DENND4A: variants seen among roughly 807,000 people sequenced by gnomAD.
DENND4A encodes DENN domain containing 4A.
A neutral mutation model predicts 199.3 loss-of-function variants in DENND4A; 70 were observed. The ratio of observed to expected loss-of-function variants is 0.35; its 90% CI spans 0.29 to 0.43. The LOEUF (loss-of-function observed/expected upper bound fraction) is 0.43, where lower values mean the gene tolerates loss of function less well. Ranked by LOEUF, DENND4A falls within the 20% of genes least tolerant of loss-of-function variation. The pLI, the probability that DENND4A is intolerant of heterozygous loss-of-function variation, is 1.00. For synonymous variants in DENND4A, 686 were observed against 766.9 expected, an observed-to-expected ratio of 0.89 and a Z score of 1.74; for missense variants, 1,723 against 2,255.8, an observed-to-expected ratio of 0.76 and a Z score of 4.78.
chr15:65,729,533 C>T lies in DENND4A; in HGVS notation c.1311+1G>A. On this transcript the variant is annotated splice_donor_variant, in intron 10 of 32. Coordinates refer to ENST00000443035, the MANE Select transcript of DENND4A (RefSeq NM_001320835.1). LOFTEE classifies it high-confidence loss of function. Reference sequence around the variant, plus strand: ...TGCCAATAAGAAACTGTGATACTCACAGACACTAATGCTTCTGTCACACTA... The same window carrying T: ...TGCCAATAAGAAACTGTGATACTCATAGACACTAATGCTTCTGTCACACTA... The T allele has an allele frequency of 6.2e-7, 1 of 1,606,192 alleles. No homozygotes were observed. The highest frequency in any genetic ancestry group is 8.5e-7 in the Non-Finnish European group (1 of 1,176,706).
chr15:65,701,949 G>C (rs1328651281), intron 17 of DENND4A, 59 bp from the exon 18 acceptor site: 1 of 1,601,360 alleles, frequency 6.2e-7, no homozygotes, highest in Non-Finnish European at 8.5e-7. Flanking sequence ...CATAAATCTA[G>C]AATAAAATAA....
intron 1 of DENND4A, among the ~76,000 whole-genome samples, chr15:65,769,153 A>AT (rs969755934): frequency 6.6e-6 from 1 of 151,866 alleles, no homozygotes; most frequent in African/African-American, 2.4e-5. Context: ...AAACGCATAG[A>AT]TTTTTTAAAA....
chr15:65,789,613 TCAGAG>T (rs2077661321), intron 1 of DENND4A, among the ~76,000 whole-genome samples: 1 of 151,986 alleles, frequency 6.6e-6, no homozygotes, highest in Non-Finnish European at 1.5e-5. Context: ...GTCTCTGACA[TCAGAG>T]AAGGCAAGAA....
intron 11 of DENND4A, among the ~76,000 whole-genome samples, chr15:65,726,458 G>C (rs2075805851): frequency 6.6e-6 from 1 of 152,184 alleles, no homozygotes; most frequent in African/African-American, 2.4e-5. Context: ...ATGAAATGTT[G>C]ATGGTAAAGA....
intron 1 of DENND4A, among the ~76,000 whole-genome samples, chr15:65,788,936 C>T (rs903721918): frequency 1.3e-5 from 2 of 151,330 alleles, no homozygotes; most frequent in African/African-American, 4.9e-5. Flanking sequence ...TACCCATAAT[C>T]CGATCACCCA....
chr15:65,786,957 T>C (rs2077582034), intron 1 of DENND4A, among the ~76,000 whole-genome samples: 1 of 152,192 alleles, frequency 6.6e-6, no homozygotes, highest in South Asian at 2.1e-4. Context: ...TAACATGATC[T>C]GTAATATTCA....
chr15:65,773,106 C>T (rs1002021440), intron 1 of DENND4A, among the ~76,000 whole-genome samples: 11 of 150,730 alleles, frequency 7.3e-5, no homozygotes, highest in Middle Eastern at 3.5e-3. Context: ...ACGGTGTGTT[C>T]AACAGGAAAA....
chr15:65,766,107 CG>C (rs1193950233), intron 1 of DENND4A, among the ~76,000 whole-genome samples: 1 of 151,856 alleles, frequency 6.6e-6, no homozygotes, highest in Non-Finnish European at 1.5e-5. Context: ...AAAAATTAGC[CG>C]GATATGGTGG....
intron 23 of DENND4A, among the ~76,000 whole-genome samples, chr15:65,680,196 A>C (rs1416108052): frequency 6.6e-6 from 1 of 152,202 alleles, no homozygotes; most frequent in East Asian, 1.9e-4. Context: ...ATTCACAAGA[A>C]CAGTTCTCAT....
chr15:65,697,044 A>G, intron 21 of DENND4A: 1 of 433,670 alleles, frequency 2.3e-6, no homozygotes, highest in Middle Eastern at 6.3e-4. Context: ...CATTCATTCT[A>G]ATGGTATTTG....
intron 14 of DENND4A, among the ~76,000 whole-genome samples, chr15:65,714,605 C>T (rs186567079): frequency 6.6e-6 from 1 of 152,252 alleles, no homozygotes; most frequent in African/African-American, 2.4e-5. Flanking sequence ...GCACCTCTCT[C>T]ATCTATATGA....
chr15:65,740,282 A>G (rs115309098), intron 5 of DENND4A, among the ~76,000 whole-genome samples: 2,267 of 146,824 alleles, frequency 0.015, 56 homozygotes, highest in African/African-American at 0.053. Context: ...CCATCTCCCA[A>G]AAAAAAAAAA....
chr15:65,724,902 A>C (rs566855619), intron 11 of DENND4A, among the ~76,000 whole-genome samples: 2 of 152,316 alleles, frequency 1.3e-5, no homozygotes, highest in African/African-American at 4.8e-5. Flanking sequence ...TGAGTGTCTT[A>C]AGAGAAAGAA....
chr15:65,690,587 C>A lies in DENND4A; in HGVS notation c.4007G>T (p.Arg1336Met). 6.2e-7 allele frequency: 1 copy of A among 1,613,592 alleles called. No individual in the cohort carries two copies. The change falls in exon 23 of 33, where the codon AGG (arginine) becomes ATG (methionine). Residue 1336 changes from arginine (R) to methionine (M), a missense_variant. Coordinates refer to ENST00000443035, the MANE Select transcript of DENND4A (RefSeq NM_001320835.1). ...SPAFSPTCPFREESQDTLTHS... is the reference protein window; with the variant it reads ...SPAFSPTCPFMEESQDTLTHS... ...GGTTAATGTATCCTGAGATTCTTCC[C>A]TAAATGGGCAAGTAGGTGAGAAGGC...
intron 1 of DENND4A, among the ~76,000 whole-genome samples, chr15:65,784,682 T>C (rs915800037): frequency 7.2e-5 from 11 of 152,184 alleles, no homozygotes; most frequent in African/African-American, 2.4e-4. Context: ...TCAACATTGA[T>C]GAACCATTTA....
intron 4 of DENND4A, among the ~76,000 whole-genome samples, chr15:65,748,153 G>T (rs958038115): frequency 3.3e-5 from 5 of 149,434 alleles, no homozygotes; most frequent in Non-Finnish European, 5.9e-5. Context: ...AACACATGTT[G>T]AAATGCGTAT....
chr15:65,705,810 G>C (rs2075029953), intron 15 of DENND4A, among the ~76,000 whole-genome samples: 1 of 152,104 alleles, frequency 6.6e-6, no homozygotes, highest in African/African-American at 2.4e-5. Context: ...TGCTGCATTT[G>C]GTGTGGGGAG....
In DENND4A at chr15:65,792,029, C is replaced by G. The variant is rs2077747450; in HGVS notation, c.-121G>C. 1 of 152,352 alleles carries G rather than the reference C, an allele frequency of 6.6e-6. No individual in the cohort carries two copies. The highest frequency in any genetic ancestry group is 2.4e-5 in the African/African-American group (1 of 41,466). 9.4% of individuals were successfully genotyped at this position (152,352 alleles called of 1,614,324 possible). On this transcript the variant is annotated 5_prime_UTR_variant, in exon 1 of 33. Coordinates refer to ENST00000443035, the MANE Select transcript of DENND4A (RefSeq NM_001320835.1). ...ACTCACCACCCAGCTGGCTCCCGTGCGAGCAGCGGATCGAGCTCGGAGAGC... is the reference window on the plus strand; with the variant it reads ...ACTCACCACCCAGCTGGCTCCCGTGGGAGCAGCGGATCGAGCTCGGAGAGC...
chr15:65,728,431 T>C (rs2075869852), intron 11 of DENND4A, among the ~76,000 whole-genome samples: 1 of 152,150 alleles, frequency 6.6e-6, no homozygotes. Flanking sequence ...ATAAACTTTT[T>C]CTATTTCTAA....
Sources: gnomAD v4.1 joint callset for allele counts (sites outside exome capture counted in the v4.1 genomes callset) on GRCh38, gnomAD v4.1.1 for gene constraint, MANE v1.5 for transcripts, NCBI Gene and HGNC (gene_info 2026-07-23, HGNC 2026-07-21) for gene names.